The following RNF169 variants were observed in gnomAD, a reference collection of about 807,000 sequenced individuals.
The protein encoded by RNF169 is ring finger protein 169.
In RNF169, 24 loss-of-function variants were observed where a neutral mutation model predicts 53.9. The observed-to-expected ratio is 0.45, with a 90% confidence interval of 0.32 to 0.63. The LOEUF is 0.63. Among genes scored for constraint, RNF169 ranks in the 20% least tolerant of loss-of-function variants. RNF169 has a pLI of 0.04. For missense variants in RNF169, 883 were observed against 906.2 expected (o/e 0.97, Z 0.33); for synonymous variants, 396 against 363.5 (o/e 1.09, Z -1.02).
At chr11:74,765,779 G>A (rs1403925828) in intron 1 of RNF169, among the ~76,000 whole-genome samples, 1 of 149,084 alleles carries the variant, frequency 6.7e-6, no homozygotes, top group East Asian at 2.0e-4. Flanking sequence ...TCCAGCCTGG[G>A]CAACAACCGC....
chr11:74,832,697 T>G (rs1275547475), intron 4 of RNF169, among the ~76,000 whole-genome samples: 6 of 152,182 alleles, frequency 3.9e-5, no homozygotes. Context: ...GGTGTCTGCT[T>G]GTTTTGCCGA....
At chr11:74,778,612 A>C (rs2035370853) in intron 1 of RNF169, among the ~76,000 whole-genome samples, 1 of 152,118 alleles carries the variant, frequency 6.6e-6, no homozygotes, top group Non-Finnish European at 1.5e-5. Flanking sequence ...GAGAGACTCC[A>C]GTGGTGGCGG....
chr11:74,760,101 G>A (rs1293336888), intron 1 of RNF169, among the ~76,000 whole-genome samples: 2 of 151,556 alleles, frequency 1.3e-5, no homozygotes, highest in African/African-American at 2.4e-5. Flanking sequence ...TTTGTGTAGA[G>A]GTGTTTGTAG....
intron 2 of RNF169, among the ~76,000 whole-genome samples, chr11:74,795,268 G>A (rs1020446780): frequency 4.7e-5 from 7 of 148,460 alleles, no homozygotes; most frequent in African/African-American, 1.5e-4. Flanking sequence ...CACCCAGGCC[G>A]GAGTGCAGTA....
intron 4 of RNF169, among the ~76,000 whole-genome samples, chr11:74,827,766 G>A (rs1351154323): frequency 1.3e-5 from 2 of 152,102 alleles, no homozygotes; most frequent in Admixed American, 6.5e-5. Context: ...AATGGCCTTC[G>A]ATAAAATTCA....
At chr11:74,809,121 T>G (rs2035841593) in intron 2 of RNF169, among the ~76,000 whole-genome samples, 1 of 152,144 alleles carries the variant, frequency 6.6e-6, no homozygotes, top group African/African-American at 2.4e-5. Flanking sequence ...TTTGTGTGTT[T>G]GTTTTGTTTT....
chr11:74,763,143 T>G (rs1250628188), intron 1 of RNF169, among the ~76,000 whole-genome samples: 1 of 152,226 alleles, frequency 6.6e-6, no homozygotes, highest in East Asian at 1.9e-4. Context: ...ACAAGATCTA[T>G]ACTTTGCTTA....
chr11:74,767,937 C>T (rs981081122), intron 1 of RNF169, among the ~76,000 whole-genome samples: 1 of 152,106 alleles, frequency 6.6e-6, no homozygotes, highest in Admixed American at 6.5e-5. Context: ...CTTGGCCTGT[C>T]CAAGGTCTTG....
chr11:74,749,002 C>A lies in RNF169; in HGVS notation c.122C>A (p.Pro41Gln). The A allele has an allele frequency of 6.7e-7, 1 of 1,499,242 alleles. No individual in the cohort carries two copies. Among genetic ancestry groups the A allele is most frequent in the Non-Finnish European group, 8.9e-7 (1 of 1,120,416 alleles). 92.9% of individuals were successfully genotyped at this position (1,499,242 alleles called of 1,614,324 possible). A position where few individuals can be genotyped will look rare whatever the true frequency, so the allele number is the denominator to read the frequency against. The change falls in exon 1 of 6, where the codon CCG (proline) becomes CAG (glutamine). Residue 41 changes from proline (P) to glutamine (Q), a missense_variant. Pro to Gln is a moderately conservative substitution (Grantham distance 76). Transcript: ENST00000299563. ...GCAGCTAAGACTGGGGCCCCAGGCC[C>A]GGCTTCTGGACCTTCGCTGTTGGTG... Reference protein sequence around the residue: ...TAAAKTGAPGPASGPSLLVLS... With the variant: ...TAAAKTGAPGQASGPSLLVLS...
At chr11:74,765,218 G>T (rs754321626) in intron 1 of RNF169, among the ~76,000 whole-genome samples, 1 of 152,036 alleles carries the variant, frequency 6.6e-6, no homozygotes, top group Non-Finnish European at 1.5e-5. Flanking sequence ...CAACGAATGG[G>T]GTTAATCCTG....
intron 2 of RNF169, among the ~76,000 whole-genome samples, chr11:74,801,130 G>C (rs1016487459): frequency 6.6e-6 from 1 of 152,192 alleles, no homozygotes; most frequent in Non-Finnish European, 1.5e-5. Flanking sequence ...AGAGAACATA[G>C]TATCATAAAT....
At chr11:74,831,695 A>G (rs1366638909) in intron 4 of RNF169, 4 of 120,692 alleles carry the variant, frequency 3.3e-5, no homozygotes, top group Non-Finnish European at 5.0e-5. Flanking sequence ...AACAATCTTG[A>G]AAAAAAAAAA....
chr11:74,752,402 G>T (rs947616586), intron 1 of RNF169, among the ~76,000 whole-genome samples: 2 of 151,910 alleles, frequency 1.3e-5, no homozygotes, highest in South Asian at 4.2e-4. Flanking sequence ...TTCAAGACCA[G>T]CCTGGCTAAC....
At chr11:74,784,893 G>C (rs1285327807) in intron 1 of RNF169, among the ~76,000 whole-genome samples, 1 of 152,150 alleles carries the variant, frequency 6.6e-6, no homozygotes, top group Non-Finnish European at 1.5e-5. Flanking sequence ...AGACAGGCCT[G>C]CTGTGTCAAC....
At chr11:74,796,206 T>A (rs2035647043) in intron 2 of RNF169, among the ~76,000 whole-genome samples, 1 of 152,194 alleles carries the variant, frequency 6.6e-6, no homozygotes, top group Non-Finnish European at 1.5e-5. Flanking sequence ...GTTGTTGTTT[T>A]TCCATTCTAT....
intron 1 of RNF169, among the ~76,000 whole-genome samples, chr11:74,763,196 A>G (rs1434322941): frequency 6.6e-6 from 1 of 152,226 alleles, no homozygotes; most frequent in Non-Finnish European, 1.5e-5. Context: ...AGAAATTAAT[A>G]TACAAACAGG....
chr11:74,815,717 TAGTAG>T (rs1351905996), intron 3 of RNF169, among the ~76,000 whole-genome samples: 17 of 152,208 alleles, frequency 1.1e-4, no homozygotes, highest in African/African-American at 3.6e-4. Context: ...ACAATCTATA[TAGTAG>T]AGTAGTCTTT....
In RNF169 at chr11:74,840,948, A is replaced by C. The variant is rs1591441806; in HGVS notation, c.*4218A>C. The stretch of plus-strand genomic sequence containing the variant: ...CCCAAATGATTTAGGAGGTTATTTT[A>C]TTTTAATAGTTTTTTCTTCCTGATT... On this transcript the variant is annotated 3_prime_UTR_variant, in exon 6 of 6. Coordinates refer to ENST00000299563, the MANE Select transcript of RNF169 (RefSeq NM_001098638.2). 1.3e-5 allele frequency: 2 copies of C among 152,032 alleles called. No homozygotes were observed. Among genetic ancestry groups the C allele is most frequent in the African/African-American group, 4.8e-5 (2 of 41,382 alleles). 9.4% of individuals were successfully genotyped at this position (152,032 alleles called of 1,614,324 possible).
intron 1 of RNF169, among the ~76,000 whole-genome samples, chr11:74,779,215 G>A (rs1410720584): frequency 1.3e-5 from 2 of 152,094 alleles, no homozygotes; most frequent in Non-Finnish European, 2.9e-5. Flanking sequence ...TAGATCAGAT[G>A]TTACATAGCA....
Sources: allele counts gnomAD v4.1 joint callset (sites outside exome capture counted in the v4.1 genomes callset), GRCh38; gene constraint gnomAD v4.1.1; transcripts MANE v1.5; gene names NCBI Gene and HGNC (gene_info 2026-07-23, HGNC 2026-07-21).